Variants in UNC13C observed in about 807,000 individuals in gnomAD.
UNC13C encodes protein unc-13 homolog C.
UNC13C carries 174 observed loss-of-function variants against 245.4 expected under a neutral mutation model. The ratio of observed to expected loss-of-function variants is 0.71; its 90% CI spans 0.63 to 0.80. UNC13C has a LOEUF of 0.80. UNC13C is among the 30% of genes least tolerant of loss of function. The pLI is 0.00. For synonymous variants in UNC13C, 992 were observed against 895.1 expected, an observed-to-expected ratio of 1.11 and a Z score of -1.93; for missense variants, 2,829 against 2,602.9, an observed-to-expected ratio of 1.09 and a Z score of -1.89.
intron 2 of UNC13C, among the ~76,000 whole-genome samples, chr15:54,093,596 G>C (rs1173731415): frequency 1.3e-5 from 2 of 152,184 alleles, no homozygotes; most frequent in African/African-American, 4.8e-5. Context: ...ATTACCAAAT[G>C]CACGTGGGTG....
At chr15:54,011,444 T>C (rs1206818607) in intron 1 of UNC13C, among the ~76,000 whole-genome samples, 1 of 152,230 alleles carries the variant, frequency 6.6e-6, no homozygotes, top group Non-Finnish European at 1.5e-5. Flanking sequence ...GATTGAGTGA[T>C]GGGTAGAAAA....
At chr15:54,184,634 A>G (rs1387122509) in intron 4 of UNC13C, among the ~76,000 whole-genome samples, 1 of 152,150 alleles carries the variant, frequency 6.6e-6, no homozygotes, top group African/African-American at 2.4e-5. Context: ...TCCATGGTGT[A>G]TATGTGCCAC....
In UNC13C at chr15:54,014,577, G is replaced by A. The variant is rs754136964; in HGVS notation, c.1674G>A (p.Gln558=). 1 of 1,613,710 alleles carries A rather than the reference G, an allele frequency of 6.2e-7. No individual in the cohort carries two copies. Among genetic ancestry groups the A allele is most frequent in the South Asian group, 1.1e-5 (1 of 91,080 alleles). The stretch of plus-strand genomic sequence containing the variant: ...AATCAGATTTTTCCAAATTGTGTCA[G>A]TCTTACTCAGAAGATTTTTCAGAAA... ...RSESDFSKLC[Q]SYSEDFSENQ... The change falls in exon 2 of 33, where the codon CAG becomes CAA. Residue 558 remains glutamine (Q), a synonymous_variant. Transcript: ENST00000260323.
At position 54,020,542 on chromosome 15, in the gene UNC13C, CAA is replaced by C. The variant is rs1895857470; in HGVS notation, c.2983+4658_2983+4659del. On this transcript the variant is annotated intron_variant, in intron 2 of 32. Coordinates refer to ENST00000260323, the MANE Select transcript of UNC13C (RefSeq NM_001080534.3). ...TCGTGATCTGCCTGCCTTGGCCTCC[CAA>C]AGTGTTGGGATTACAGGCGTGAACC... Among the ~76,000 whole-genome samples, 5 of 151,340 alleles carry C rather than the reference CAA, an allele frequency of 3.3e-5. No individual in the cohort carries two copies. The South Asian group carries it at 1.0e-3, about 32-fold the overall frequency.
In UNC13C at chr15:54,478,287, A is replaced by AT. The variant is rs199544402; in HGVS notation, c.4934-16311dup. ...TCCTGGATTCATTAATTTTTTGAAGATTTTTTTTTTGTCTCTATTTCCTTC... is the reference window on the plus strand; with the variant it reads ...TCCTGGATTCATTAATTTTTTGAAGATTTTTTTTTTTGTCTCTATTTCCTTC... On this transcript the variant is annotated intron_variant, in intron 19 of 32. Coordinates refer to ENST00000260323, the MANE Select transcript of UNC13C (RefSeq NM_001080534.3). 2.7e-3 allele frequency among the ~76,000 whole-genome samples: 320 copies of AT among 119,712 alleles called. 10 individuals carry two copies. Among genetic ancestry groups the AT allele is most frequent in the African/African-American group, 9.1e-3 (285 of 31,362 alleles). 78.5% of individuals were successfully genotyped at this position (119,712 alleles called of 152,430 possible). A position where few individuals can be genotyped will look rare whatever the true frequency, so the allele number is the denominator to read the frequency against.
the UNC13C span, among the ~76,000 whole-genome samples, chr15:53,862,421 A>G: frequency 6.6e-6 from 1 of 151,982 alleles, no homozygotes; most frequent in African/African-American, 2.4e-5. Context: ...TCTATATCTA[A>G]TCTTTAACTA....
chr15:54,475,395 G>A (rs921180348), intron 19 of UNC13C, among the ~76,000 whole-genome samples: 10 of 151,438 alleles, frequency 6.6e-5, no homozygotes, highest in East Asian at 1.9e-4. Flanking sequence ...CCATGCTGGC[G>A]TGCTGCACCC....
the UNC13C span, among the ~76,000 whole-genome samples, chr15:53,950,800 AT>A: frequency 0.028 from 4,221 of 152,268 alleles, 202 homozygotes; most frequent in African/African-American, 0.098. Flanking sequence ...AGGTTACCAC[AT>A]TTTGCATTGC....
At chr15:54,414,189 G>C (rs2040472228) in intron 18 of UNC13C, among the ~76,000 whole-genome samples, 1 of 152,086 alleles carries the variant, frequency 6.6e-6, no homozygotes, top group Non-Finnish European at 1.5e-5. Context: ...AGGAATCTTT[G>C]TTCATATAAT....
At chr15:54,528,714 G>A (rs1219060033) in intron 25 of UNC13C, among the ~76,000 whole-genome samples, 12 of 152,046 alleles carry the variant, frequency 7.9e-5, no homozygotes, top group Admixed American at 7.2e-4. Context: ...CCAATGCACT[G>A]ATTCGAAAAT....
At chr15:54,416,705 C>T (rs147297447) in intron 19 of UNC13C, among the ~76,000 whole-genome samples, 267 of 152,244 alleles carry the variant, frequency 1.8e-3, no homozygotes, top group African/African-American at 6.1e-3. Context: ...TGCATCCCCC[C>T]ACCCTACTTG....
At chr15:54,406,786 A>G (rs2040302971) in intron 18 of UNC13C, among the ~76,000 whole-genome samples, 1 of 152,156 alleles carries the variant, frequency 6.6e-6, no homozygotes, top group Admixed American at 6.6e-5. Context: ...TATCATTCAC[A>G]ACTATTTAAT....
intron 7 of UNC13C, among the ~76,000 whole-genome samples, chr15:54,239,449 TTTTG>T (rs2035793582): frequency 6.6e-6 from 1 of 152,116 alleles, no homozygotes; most frequent in Admixed American, 6.6e-5. Context: ...CTTTCACTCT[TTTTG>T]TTTATTTATT....
At chr15:54,448,719 T>G (rs572702507) in intron 19 of UNC13C, among the ~76,000 whole-genome samples, 14 of 152,334 alleles carry the variant, frequency 9.2e-5, no homozygotes, top group Non-Finnish European at 1.5e-5. Context: ...GGGTCTTGAT[T>G]CTCTATCCAA....
intron 4 of UNC13C, among the ~76,000 whole-genome samples, chr15:54,226,328 G>A (rs894847987): frequency 6.6e-6 from 1 of 152,156 alleles, no homozygotes; most frequent in African/African-American, 2.4e-5. Flanking sequence ...AAATGAGTTA[G>A]GGATGAGTCC....
intron 2 of UNC13C, among the ~76,000 whole-genome samples, chr15:54,135,868 A>T (rs1451901425): frequency 6.6e-6 from 1 of 151,968 alleles, no homozygotes; most frequent in Admixed American, 6.6e-5. Context: ...GATTCCTTTG[A>T]CTCTGTAAGC....
intron 1 of UNC13C, among the ~76,000 whole-genome samples, chr15:53,980,532 A>G (rs535240846): frequency 7.1e-4 from 108 of 152,358 alleles, no homozygotes; most frequent in African/African-American, 2.5e-3. Context: ...CTAAAAGAAT[A>G]TTTGAAACTC....
At chr15:54,490,099 C>T (rs566775356) in intron 19 of UNC13C, among the ~76,000 whole-genome samples, 1 of 152,130 alleles carries the variant, frequency 6.6e-6, no homozygotes, top group Admixed American at 6.5e-5. Flanking sequence ...AAGATTAATT[C>T]CCATGGGTTT....
At chr15:54,420,417 C>T (rs1426931150) in intron 19 of UNC13C, among the ~76,000 whole-genome samples, 1 of 151,708 alleles carries the variant, frequency 6.6e-6, no homozygotes, top group Non-Finnish European at 1.5e-5. Flanking sequence ...CAGAAGCTGC[C>T]ATCTTTATTA....
Sources: gnomAD v4.1 joint callset for allele counts (sites outside exome capture counted in the v4.1 genomes callset) on GRCh38, gnomAD v4.1.1 for gene constraint, MANE v1.5 for transcripts, NCBI Gene and HGNC (gene_info 2026-07-23, HGNC 2026-07-21) for gene names.